The following CDCA7L variants were observed in gnomAD, a reference collection of about 807,000 sequenced individuals.
CDCA7L encodes the protein cell division cycle-associated 7-like protein.
A neutral mutation model predicts 57.4 loss-of-function variants in CDCA7L; 44 were observed. The ratio of observed to expected loss-of-function variants is 0.77; its 90% CI spans 0.60 to 0.98. The LOEUF (loss-of-function observed/expected upper bound fraction) is 0.98, where lower values mean the gene tolerates loss of function less well. Ranked by LOEUF, CDCA7L falls within the 50% of genes least tolerant of loss-of-function variation. CDCA7L has a pLI of 0.00. For synonymous variants in CDCA7L, 236 were observed against 202.8 expected, an observed-to-expected ratio of 1.16 and a Z score of -1.39; for missense variants, 644 against 580.6, an observed-to-expected ratio of 1.11 and a Z score of -1.12.
intron 1 of CDCA7L, among the ~76,000 whole-genome samples, chr7:21,928,542 A>T (rs7777889): frequency 0.076 from 11,579 of 152,006 alleles, 1,443 homozygotes; most frequent in African/African-American, 0.26. Context: ...ATACAAGGAA[A>T]CTAAGAACCT....
At chr7:21,934,301 T>C (rs556628066) in intron 1 of CDCA7L, among the ~76,000 whole-genome samples, 19 of 152,312 alleles carry the variant, frequency 1.2e-4, no homozygotes, top group African/African-American at 4.1e-4. Flanking sequence ...AAGAGCTATA[T>C]AGGAGTAGAA....
intron 1 of CDCA7L, among the ~76,000 whole-genome samples, chr7:21,938,201 A>T (rs578186442): frequency 6.6e-6 from 1 of 152,338 alleles, no homozygotes; most frequent in Non-Finnish European, 1.5e-5. Context: ...AACTCACTTA[A>T]CAACTACAAA....
In CDCA7L at chr7:21,901,312, T is replaced by C. The variant is rs1784825645; in HGVS notation, c.*1010A>G. 1.2e-5 allele frequency: 18 copies of C among 1,482,770 alleles called. No homozygotes were observed. The South Asian group carries it at 2.7e-4, about 22-fold the overall frequency. 91.9% of individuals were successfully genotyped at this position (1,482,770 alleles called of 1,614,324 possible). A position where few individuals can be genotyped will look rare whatever the true frequency, so the allele number is the denominator to read the frequency against. ...AGTGCAGTGAGGATTTTCTAGCATG[T>C]TGCTGCACTGTTCCCATGCACATTA... On this transcript the variant is annotated 3_prime_UTR_variant, in exon 10 of 10. Coordinates refer to ENST00000406877, the MANE Select transcript of CDCA7L (RefSeq NM_018719.5).
At chr7:21,922,448 G>A (rs976370284) in intron 1 of CDCA7L, among the ~76,000 whole-genome samples, 1 of 152,144 alleles carries the variant, frequency 6.6e-6, no homozygotes, top group African/African-American at 2.4e-5. Flanking sequence ...GCAGGAACAG[G>A]GGTCTGGTGT....
intron 8 of CDCA7L, chr7:21,903,643 C>G (rs927550521): frequency 1.2e-5 from 2 of 161,842 alleles, no homozygotes; most frequent in South Asian, 3.6e-4. Flanking sequence ...CTCATTTTAC[C>G]GAGGGAGCTG....
chr7:21,908,513 A>G lies in CDCA7L; in HGVS notation c.304-6T>C, dbSNP rs753872064. On this transcript the variant is annotated splice_region_variant and splice_polypyrimidine_tract_variant and intron_variant, in intron 3 of 9. Coordinates refer to ENST00000406877, the MANE Select transcript of CDCA7L (RefSeq NM_018719.5). ...CTCAAATCTGACTCCACGACCTAAT[A>G]AAATAAGAGCAAGAAAAAGCACAAA... 6.6e-7 allele frequency: 1 copy of G among 1,505,860 alleles called. No individual in the cohort carries two copies. The highest frequency in any genetic ancestry group is 1.4e-5 in the South Asian group (1 of 71,226). The allele number at this position is 1,505,860 out of a possible 1,614,324, so 93.3% of individuals were successfully genotyped here. A position where few individuals can be genotyped will look rare whatever the true frequency, so the allele number is the denominator to read the frequency against.
chr7:21,910,854 G>A lies in CDCA7L; in HGVS notation c.303+763C>T, dbSNP rs575415066. On this transcript the variant is annotated intron_variant, in intron 3 of 9. Coordinates refer to ENST00000406877, the MANE Select transcript of CDCA7L (RefSeq NM_018719.5). Reference sequence around the variant, plus strand: ...TGACAAATCCAAATCCACAATGCATGGGGAACACCAAGTTTGTACCACAGC... The same window carrying A: ...TGACAAATCCAAATCCACAATGCATAGGGAACACCAAGTTTGTACCACAGC... Among the ~76,000 whole-genome samples, 5 of 152,100 alleles carry A rather than the reference G, an allele frequency of 3.3e-5. No homozygotes were observed. In the East Asian group the frequency reaches 5.8e-4, roughly 18 times the overall value.
At chr7:21,915,752 C>T (rs906593755) in intron 2 of CDCA7L, among the ~76,000 whole-genome samples, 2 of 151,890 alleles carry the variant, frequency 1.3e-5, no homozygotes, top group Non-Finnish European at 2.9e-5. Flanking sequence ...TGCTTGAACC[C>T]GGGAGGCAGA....
chr7:21,922,702 T>G (rs1260809729), intron 1 of CDCA7L, among the ~76,000 whole-genome samples: 1 of 152,170 alleles, frequency 6.6e-6, no homozygotes, highest in African/African-American at 2.4e-5. Flanking sequence ...AAGAAAAACT[T>G]TATATCCTTT....
intron 3 of CDCA7L, among the ~76,000 whole-genome samples, chr7:21,908,736 C>T (rs6973505): frequency 0.2 from 30,513 of 152,006 alleles, 3,229 homozygotes; most frequent in African/African-American, 0.26. Context: ...ATCATACCCG[C>T]GACAGAAATG....
rs113744174 is a variant in CDCA7L at position 21,925,592 on chromosome 7, A to C, written c.25-8698T>G. Among the ~76,000 whole-genome samples, 425 of 152,346 alleles carry C rather than the reference A, an allele frequency of 2.8e-3. 1 individual carries two copies. Among genetic ancestry groups the C allele is most frequent in the Non-Finnish European group, 4.8e-3 (325 of 68,034 alleles). ...ACTATTAGCAGTTAAGAGAATCATA[A>C]AATCAAGGATTATCAGGCCAAGTGT... On this transcript the variant is annotated intron_variant, in intron 1 of 9. Transcript: ENST00000406877.
intron 1 of CDCA7L, among the ~76,000 whole-genome samples, chr7:21,934,237 TAC>T (rs1046396389): frequency 1.3e-5 from 2 of 152,206 alleles, no homozygotes; most frequent in African/African-American, 4.8e-5. Context: ...TGTTCATGGA[TAC>T]ACAACACATA....
intron 9 of CDCA7L, 51 bp from the exon 10 acceptor site, chr7:21,902,403 G>GCATTCTAGGCTTGAGAGATTCCACAAT: frequency 6.5e-7 from 1 of 1,536,286 alleles, no homozygotes. Context: ...TACACAAATG[G>GCATTCTAGGCTTGAGAGATTCCACAAT]CATTCTAGGC....
chr7:21,928,535 C>T (rs1347070800), intron 1 of CDCA7L, among the ~76,000 whole-genome samples: 1 of 151,878 alleles, frequency 6.6e-6, no homozygotes, highest in South Asian at 2.1e-4. Context: ...TAACTCAATA[C>T]AAGGAAACTA....
At chr7:21,917,138 A>G (rs1785511193) in intron 1 of CDCA7L, among the ~76,000 whole-genome samples, 1 of 152,202 alleles carries the variant, frequency 6.6e-6, no homozygotes, top group South Asian at 2.1e-4. Flanking sequence ...GAGAATGTTA[A>G]AACCAGGCCA....
At chr7:21,913,598 G>C (rs1583852644) in intron 2 of CDCA7L, among the ~76,000 whole-genome samples, 1 of 152,224 alleles carries the variant, frequency 6.6e-6, no homozygotes, top group South Asian at 2.1e-4. Context: ...CTGGCTCACA[G>C]AGCCTTGGGC....
chr7:21,919,548 A>C (rs1583859463), intron 1 of CDCA7L, among the ~76,000 whole-genome samples: 2 of 152,250 alleles, frequency 1.3e-5, no homozygotes, highest in African/African-American at 4.8e-5. Context: ...ATTAAGTATC[A>C]CTGCTTGTAG....
At chr7:21,916,981 A>G in intron 1 of CDCA7L, 87 bp from the exon 2 acceptor site, 3 of 1,470,376 alleles carry the variant, frequency 2.0e-6, no homozygotes, top group Admixed American at 1.7e-5. Context: ...GAGAGATCTC[A>G]TCACTTCATC....
intron 1 of CDCA7L, chr7:21,940,453 A>C: frequency 4.7e-6 from 1 of 213,442 alleles, no homozygotes; most frequent in South Asian, 1.7e-4. Context: ...AGCATCAAAT[A>C]TATGCCAGAC....
Sources: allele counts gnomAD v4.1 joint callset (sites outside exome capture counted in the v4.1 genomes callset), GRCh38; gene constraint gnomAD v4.1.1; transcripts MANE v1.5; gene names NCBI Gene and HGNC (gene_info 2026-07-23, HGNC 2026-07-21).